The following TMEM231 variants were observed in gnomAD, a reference collection of about 807,000 sequenced individuals.
TMEM231 encodes transmembrane protein 231.
TMEM231 carries 40 observed loss-of-function variants against 38.5 expected under a neutral mutation model. That is an observed-to-expected ratio of 1.04 (90% confidence interval 0.81 to 1.35). The LOEUF (loss-of-function observed/expected upper bound fraction) is 1.35. Among genes scored for constraint, TMEM231 ranks in the 40% most tolerant of loss-of-function variants. The probability of loss-of-function intolerance (pLI) is 0.00; values close to 1 mark genes in which losing one functional copy is unlikely to be tolerated. For synonymous variants in TMEM231, 199 were observed against 181.7 expected (o/e 1.10, Z -0.77); for missense variants, 420 against 416.9 (o/e 1.01, Z -0.07).
intron 2 of TMEM231, among the ~76,000 whole-genome samples, chr16:75,549,151 C>A (rs1403571405): frequency 6.6e-6 from 1 of 152,176 alleles, no homozygotes; most frequent in Admixed American, 6.5e-5. Flanking sequence ...TGGACTCTCA[C>A]CCTCCTGGGG....
intron 6 of TMEM231, among the ~76,000 whole-genome samples, chr16:75,541,004 AT>A (rs1029129159): frequency 1.3e-5 from 2 of 151,770 alleles, no homozygotes; most frequent in African/African-American, 2.4e-5. Flanking sequence ...GCTACCATTG[AT>A]TTTTTTTAAA....
intron 2 of TMEM231, among the ~76,000 whole-genome samples, chr16:75,554,606 C>T (rs2080792519): frequency 6.6e-6 from 1 of 151,050 alleles, no homozygotes. Context: ...AATGTTGTCC[C>T]TAATAGTGAA....
At chr16:75,549,082 G>T (rs144154280) in intron 2 of TMEM231, among the ~76,000 whole-genome samples, 2 of 152,084 alleles carry the variant, frequency 1.3e-5, no homozygotes, top group Admixed American at 1.3e-4. Flanking sequence ...GGTGGAGAGA[G>T]GGGGGAGAGA....
chr16:75,544,949 C>CTTCTTTTT (rs2080666559), intron 4 of TMEM231, among the ~76,000 whole-genome samples: 21 of 89,594 alleles, frequency 2.3e-4, no homozygotes, highest in Non-Finnish European at 2.9e-4. Flanking sequence ...TTTTCTTTTT[C>CTTCTTTTT]TTTTTTTTTT....
chr16:75,553,154 A>G (rs758513599), intron 2 of TMEM231, among the ~76,000 whole-genome samples: 12 of 152,210 alleles, frequency 7.9e-5, no homozygotes, highest in Non-Finnish European at 1.6e-4. Flanking sequence ...ACTTGGTCCA[A>G]CCTTAATCAA....
chr16:75,544,473 G>C (rs182791698), intron 4 of TMEM231, among the ~76,000 whole-genome samples: 2 of 152,244 alleles, frequency 1.3e-5, no homozygotes, highest in African/African-American at 2.4e-5. Context: ...AAAAGGCCAG[G>C]GGGGCTGGAA....
At chr16:75,554,275 T>C (rs2080788959) in intron 2 of TMEM231, among the ~76,000 whole-genome samples, 1 of 152,152 alleles carries the variant, frequency 6.6e-6, no homozygotes, top group African/African-American at 2.4e-5. Context: ...ATTGAAATAT[T>C]GTCCCTAGGC....
Position 75,539,130 on chromosome 16 carries a change from GA to G in TMEM231, c.*863del, listed in dbSNP as rs1434127480. On this transcript the variant is annotated 3_prime_UTR_variant, in exon 7 of 7. Coordinates refer to ENST00000258173, the MANE Select transcript of TMEM231 (RefSeq NM_001077418.3). ...CCCCTGTCGCCCCTGTCCTTTGCAG[GA>G]AGGGGGAGGGCTGTCAAGGAGGAGG... 6.6e-6 allele frequency: 1 copy of G among 151,814 alleles called. No homozygotes were observed. Among genetic ancestry groups the G allele is most frequent in the Non-Finnish European group, 1.5e-5 (1 of 67,960 alleles). The allele number at this position is 151,814 out of a possible 1,614,324, so 9.4% of individuals were successfully genotyped here.
Position 75,556,224 on chromosome 16 carries a change from G to C in TMEM231, c.-15C>G, listed in dbSNP as rs138060715. 2 of 1,394,792 alleles carry C rather than the reference G, an allele frequency of 1.4e-6. No individual in the cohort carries two copies. Among genetic ancestry groups the C allele is most frequent in the South Asian group, 1.6e-5 (1 of 62,698 alleles). The allele number at this position is 1,394,792 out of a possible 1,614,324, so 86.4% of individuals were successfully genotyped here. On this transcript the variant is annotated 5_prime_UTR_variant, in exon 1 of 7. Coordinates refer to ENST00000258173, the MANE Select transcript of TMEM231 (RefSeq NM_001077418.3). Reference sequence around the variant, plus strand: ...TAGAGCGCCATGAGCACCGCTCGCAGGCACTCCGCGAGCCGGGGGACCAAG... The same window carrying C: ...TAGAGCGCCATGAGCACCGCTCGCACGCACTCCGCGAGCCGGGGGACCAAG...
intron 4 of TMEM231, among the ~76,000 whole-genome samples, chr16:75,544,156 G>A (rs1451100220): frequency 6.6e-6 from 1 of 152,176 alleles, no homozygotes; most frequent in African/African-American, 2.4e-5. Flanking sequence ...CATCTGCCAG[G>A]CAGTGTGCTA....
chr16:75,555,893 C>G lies in TMEM231; in HGVS notation c.220G>C (p.Gly74Arg), dbSNP rs1446099943. 1.9e-6 allele frequency: 3 copies of G among 1,596,436 alleles called. No homozygotes were observed. The highest frequency in any genetic ancestry group is 1.3e-5 in the African/African-American group (1 of 74,428). The change falls in exon 2 of 7, where the codon GGA becomes CGA. Residue 74 changes from glycine (G) to arginine (R), a missense_variant. Transcript: ENST00000258173. ...GCGAGGAACCCGTCGCTTTCGGGTC[C>G]GAGCAGGGCCACGAGCAGCACCTGG... ...QHQVLLVALLGPESDGFLAWS... is the reference protein window; with the variant it reads ...QHQVLLVALLRPESDGFLAWS...
intron 5 of TMEM231, among the ~76,000 whole-genome samples, chr16:75,542,393 C>T (rs2080637094): frequency 6.6e-6 from 1 of 151,980 alleles, no homozygotes; most frequent in African/African-American, 2.4e-5. Context: ...GCCTGCTGGA[C>T]CATGGGATGC....
At chr16:75,545,637 T>G in intron 3 of TMEM231, 142 bp from the exon 4 acceptor site, 2 of 623,408 alleles carry the variant, frequency 3.2e-6, no homozygotes, top group Admixed American at 3.7e-5. Context: ...GCCTAGAACC[T>G]TCTGAGCTAT....
rs769514118 is a variant in TMEM231 at position 75,540,135 on chromosome 16, C to T, written c.810G>A (p.Trp270Ter). The T allele has an allele frequency of 4.3e-6, 7 of 1,613,622 alleles. No individual in the cohort carries two copies. The highest frequency in any genetic ancestry group is 3.3e-5 in the South Asian group (3 of 90,984). Residue 270 changes from tryptophan to a stop codon, truncating the protein, a stop_gained, in exon 7 of 7, where the codon TGG becomes TGA. Coordinates refer to ENST00000258173, the MANE Select transcript of TMEM231 (RefSeq NM_001077418.3). LOFTEE classifies it high-confidence loss of function. ...PGFWEMVKFA[W>*]VQYVSILLIF... The stretch of plus-strand genomic sequence containing the variant: ...TAAGCAGGATGCTGACATACTGCAC[C>T]CAGGCGAACTTTACCATCTCCCAGA...
In TMEM231 at chr16:75,542,634, G is replaced by A. The variant is rs1372615470; in HGVS notation, c.632C>T (p.Thr211Ile). ...TSPFAYDYDL[T>I]HIVAAYQERN... ...CTCCTGGTAGGCAGCAACAATATGG[G>A]TGAGGTCGTAGTCATAGGCAAAGGG... Residue 211 changes from threonine (T) to isoleucine (I), a missense_variant, in exon 5 of 7, where the codon ACC becomes ATC. Coordinates refer to ENST00000258173, the MANE Select transcript of TMEM231 (RefSeq NM_001077418.3). 1 of 1,613,884 alleles carries A rather than the reference G, an allele frequency of 6.2e-7. No homozygotes were observed. The highest frequency in any genetic ancestry group is 8.5e-7 in the Non-Finnish European group (1 of 1,179,846).
intron 5 of TMEM231, 135 bp from the exon 6 acceptor site, chr16:75,541,590 T>C: frequency 1.9e-6 from 1 of 516,584 alleles, no homozygotes; most frequent in Non-Finnish European, 3.4e-6. Context: ...GAAAGAGAAA[T>C]TGCATGTGCA....
chr16:75,550,282 T>C (rs1260428764), intron 2 of TMEM231, among the ~76,000 whole-genome samples: 1 of 152,216 alleles, frequency 6.6e-6, no homozygotes, highest in East Asian at 1.9e-4. Context: ...AGAGGGAACC[T>C]TGAAGCCGGT....
In TMEM231 at chr16:75,556,129, C is replaced by G. The variant is rs971955148; in HGVS notation, c.81G>C (p.Leu27=). The stretch of plus-strand genomic sequence containing the variant: ...TGTACGTGAGCGCAGCGGCCAGCAG[C>G]AGGAACAGCGCGGCTTTGGAGCAGA... ...AGLCSKAALF[L]LLAAALTYIP... is the part of the protein sequence containing the mutation. Residue 27 remains leucine (L), a synonymous_variant, in exon 1 of 7, where the codon CTG becomes CTC. Transcript: ENST00000258173. 3.8e-6 allele frequency: 6 copies of G among 1,579,284 alleles called. No homozygotes were observed. Among genetic ancestry groups the G allele is most frequent in the Non-Finnish European group, 5.2e-6 (6 of 1,164,590 alleles).
intron 5 of TMEM231, 179 bp downstream of exon 5, chr16:75,542,423 C>G: frequency 1.6e-6 from 1 of 631,776 alleles, no homozygotes. Flanking sequence ...GGGGGCGGTC[C>G]CAGGTCTGAA....
Sources: allele counts gnomAD v4.1 joint callset (sites outside exome capture counted in the v4.1 genomes callset), GRCh38; gene constraint gnomAD v4.1.1; transcripts MANE v1.5; gene names NCBI Gene and HGNC (gene_info 2026-07-23, HGNC 2026-07-21).